TRPM3: variants seen among roughly 807,000 people sequenced by gnomAD.
TRPM3 encodes transient receptor potential cation channel subfamily M member 3.
Under a neutral mutation model 181.2 loss-of-function variants are expected in TRPM3, and 77 were observed. The ratio of observed to expected loss-of-function variants is 0.42; its 90% CI spans 0.35 to 0.51. The LOEUF is 0.51. TRPM3 is among the 20% of genes least tolerant of loss of function. The probability of loss-of-function intolerance (pLI) is 0.01; values close to 1 mark genes in which losing one functional copy is unlikely to be tolerated. For missense variants in TRPM3, 1,759 were observed against 2,196.7 expected (o/e 0.80, Z 3.98); for synonymous variants, 745 against 796.4 (o/e 0.94, Z 1.09).
intron 1 of TRPM3, among the ~76,000 whole-genome samples, chr9:71,267,410 C>T (rs932326719): frequency 4.6e-5 from 7 of 152,164 alleles, no homozygotes; most frequent in African/African-American, 1.7e-4. Context: ...TAAGTGGCTG[C>T]CCATAGGGAG....
intron 6 of TRPM3, chr9:70,825,256 C>G (rs1762585973): frequency 6.6e-6 from 1 of 152,228 alleles, no homozygotes; most frequent in Admixed American, 6.5e-5. Context: ...TTGACATTCA[C>G]TACAGCTCAT....
At chr9:71,252,248 G>C (rs1288352746) in intron 1 of TRPM3, among the ~76,000 whole-genome samples, 1 of 151,920 alleles carries the variant, frequency 6.6e-6, no homozygotes, top group Non-Finnish European at 1.5e-5. Flanking sequence ...GCCAATTGAG[G>C]TAGCATGTAT....
chr9:71,300,536 T>C (rs187116366), intron 1 of TRPM3, among the ~76,000 whole-genome samples: 70 of 152,224 alleles, frequency 4.6e-4, no homozygotes, highest in Non-Finnish European at 7.9e-4. Flanking sequence ...TCAGTACTGT[T>C]AACTCAAAAC....
At chr9:70,853,747 C>T (rs1315474900) in intron 3 of TRPM3, among the ~76,000 whole-genome samples, 1 of 152,176 alleles carries the variant, frequency 6.6e-6, no homozygotes. Context: ...GGCTCTGGCC[C>T]TTGGATGTTG....
intron 1 of TRPM3, among the ~76,000 whole-genome samples, chr9:71,231,443 GA>G (rs2081045327): frequency 6.6e-6 from 1 of 152,138 alleles, no homozygotes. Flanking sequence ...GAAAATATAT[GA>G]GTTCTTCCAT....
intron 1 of TRPM3, among the ~76,000 whole-genome samples, chr9:70,947,525 G>T (rs1231495048): frequency 6.6e-6 from 1 of 152,066 alleles, no homozygotes; most frequent in Non-Finnish European, 1.5e-5. Context: ...TAGTAATGGA[G>T]AATGGAGAGA....
intron 1 of TRPM3, among the ~76,000 whole-genome samples, chr9:71,327,276 G>A (rs1588503005): frequency 6.6e-6 from 1 of 152,312 alleles, no homozygotes; most frequent in Admixed American, 6.5e-5. Flanking sequence ...GGTTAGCTGT[G>A]AAAAGCAATG....
rs951973792 is a variant in TRPM3, at chr9:71,368,798, T to A, written c.183+77855A>T. ...TCTTTTTGATTCACAACAGAACAAT[T>A]AGACAAACACTAATAAGTAAATTTG... On this transcript the variant is annotated intron_variant, in intron 1 of 24. Coordinates refer to the TRPM3 transcript ENST00000357533. Among the ~76,000 whole-genome samples, 8 of 152,314 alleles carry A rather than the reference T, an allele frequency of 5.3e-5. 1 individual carries two copies. In the East Asian group the frequency reaches 1.5e-3, roughly 29 times the overall value.
chr9:71,133,772 T>C (rs1409003590), intron 1 of TRPM3, among the ~76,000 whole-genome samples: 3 of 152,190 alleles, frequency 2.0e-5, no homozygotes, highest in Admixed American at 2.0e-4. Flanking sequence ...ATATATTCAC[T>C]CTAGCAGCCA....
chr9:71,365,015 C>T (rs967456122), intron 1 of TRPM3, among the ~76,000 whole-genome samples: 4 of 152,078 alleles, frequency 2.6e-5, no homozygotes, highest in Non-Finnish European at 5.9e-5. Context: ...TAAAGAAAGA[C>T]CCGATGTTAG....
intron 1 of TRPM3, among the ~76,000 whole-genome samples, chr9:70,989,833 C>T (rs1057231621): frequency 6.6e-6 from 1 of 152,168 alleles, no homozygotes; most frequent in South Asian, 2.1e-4. Context: ...CTTTTACAAC[C>T]TGAAGCAACT....
At chr9:70,817,591 G>A (rs957333258) in intron 6 of TRPM3, among the ~76,000 whole-genome samples, 8 of 152,190 alleles carry the variant, frequency 5.3e-5, no homozygotes, top group Non-Finnish European at 1.2e-4. Flanking sequence ...TGTCATGCTA[G>A]GTTGGCAGTG....
At chr9:70,752,163 T>G (rs1241822080) in intron 8 of TRPM3, among the ~76,000 whole-genome samples, 3 of 151,806 alleles carry the variant, frequency 2.0e-5, no homozygotes, top group Non-Finnish European at 4.4e-5. Context: ...TCACAAGGAG[T>G]GTGACTTGCC....
At chr9:71,362,786 G>C (rs1184183874) in intron 1 of TRPM3, among the ~76,000 whole-genome samples, 1 of 152,136 alleles carries the variant, frequency 6.6e-6, no homozygotes, top group Non-Finnish European at 1.5e-5. Flanking sequence ...CTAAAGCTGA[G>C]AGATTTGGGA....
At chr9:71,308,238 T>C (rs1288669352) in intron 1 of TRPM3, among the ~76,000 whole-genome samples, 1 of 152,170 alleles carries the variant, frequency 6.6e-6, no homozygotes, top group Non-Finnish European at 1.5e-5. Context: ...TTTATATTTA[T>C]ATTCAATACA....
rs367981291 is a variant in TRPM3 at position 70,689,442 on chromosome 9, T to C, written c.1273-7864A>G. ...AGGTTTTTACACTATCGATGAATAC[T>C]GAAAAGTAGACTGTGAAAAGTTAGT... On this transcript the variant is annotated intron_variant, in intron 8 of 25. Transcript: ENST00000677713. Among the ~76,000 whole-genome samples the C allele has an allele frequency of 1.8e-4, 27 of 151,934 alleles. No individual in the cohort carries two copies. In the East Asian group the frequency reaches 3.9e-3, roughly 22 times the overall value.
chr9:70,781,169 C>CA (rs1193861348), intron 7 of TRPM3, among the ~76,000 whole-genome samples: 1 of 151,504 alleles, frequency 6.6e-6, no homozygotes, highest in African/African-American at 2.4e-5. Flanking sequence ...ACTAAAAATA[C>CA]AAAAAATTAG....
intron 1 of TRPM3, among the ~76,000 whole-genome samples, chr9:71,389,716 A>C (rs1047924706): frequency 6.6e-6 from 1 of 152,156 alleles, no homozygotes; most frequent in Non-Finnish European, 1.5e-5. Flanking sequence ...TATTATTCTA[A>C]GTGAAGTAAC....
At chr9:70,759,126 C>T (rs2077616539) in intron 8 of TRPM3, among the ~76,000 whole-genome samples, 1 of 151,824 alleles carries the variant, frequency 6.6e-6, no homozygotes, top group South Asian at 2.1e-4. Context: ...AACTTAAACA[C>T]GTTTACAAGA....
Sources: gnomAD v4.1 joint callset for allele counts (sites outside exome capture counted in the v4.1 genomes callset) on GRCh38, gnomAD v4.1.1 for gene constraint, MANE v1.5 for transcripts, NCBI Gene and HGNC (gene_info 2026-07-23, HGNC 2026-07-21) for gene names.